The following GRB7 variants were observed in gnomAD, a reference collection of about 807,000 sequenced individuals.
GRB7 encodes the protein growth factor receptor-bound protein 7.
Under a neutral mutation model 64.1 loss-of-function variants are expected in GRB7, and 47 were observed. The ratio of observed to expected loss-of-function variants is 0.73; its 90% confidence interval spans 0.58 to 0.94. The LOEUF (loss-of-function observed/expected upper bound fraction) is 0.94. Ranked by LOEUF, GRB7 falls within the 40% of genes least tolerant of loss-of-function variation. The pLI, the probability that GRB7 is intolerant of heterozygous loss-of-function variation, is 0.00. For missense variants in GRB7, 634 were observed against 718.4 expected, an observed-to-expected ratio of 0.88 and a Z score of 1.34; for synonymous variants, 277 against 279.9, an observed-to-expected ratio of 0.99 and a Z score of 0.10.
chr17:39,738,761 C>A, intron 1 of GRB7: 2 of 712,152 alleles, frequency 2.8e-6, no homozygotes, highest in Non-Finnish European at 2.2e-6. Flanking sequence ...GTCTCTAAGA[C>A]AGACGTCTCT....
Position 39,742,400 on chromosome 17 carries a change from CCCT to C in GRB7, c.101_103del (p.Pro34del). 6.2e-7 allele frequency: 1 copy of C among 1,613,982 alleles called. No homozygotes were observed. The highest frequency in any genetic ancestry group is 8.5e-7 in the Non-Finnish European group (1 of 1,179,996). ...CTGGGACTCCCCGGCCCCCTGATACCCCTCTGCCTGAGGAGGTAAAGAGGTCCC... is the reference window on the plus strand; with the variant it reads ...CTGGGACTCCCCGGCCCCCTGATACCCTGCCTGAGGAGGTAAAGAGGTCCC... On this transcript the variant is annotated inframe_deletion, in exon 2 of 15. Coordinates refer to ENST00000309156, the MANE Select transcript of GRB7 (RefSeq NM_005310.5).
At chr17:39,745,012 C>T (rs1211304836) in intron 9 of GRB7, 28 bp downstream of exon 9, 1 of 1,565,266 alleles carries the variant, frequency 6.4e-7, no homozygotes, top group Non-Finnish European at 8.8e-7. Flanking sequence ...GCATGGGGGG[C>T]TGGCCTGGCC....
rs2143435210 is a variant in GRB7 at position 39,746,771 on chromosome 17, G to A, written c.1473G>A (p.Leu491=). The change falls in exon 15 of 15, where the codon CTG becomes CTA. Residue 491 remains leucine (L), a synonymous_variant. Coordinates refer to ENST00000309156, the MANE Select transcript of GRB7 (RefSeq NM_005310.5). ...LILPSEEEGR[L]YFSMDDGQTR... is the part of the protein sequence containing the mutation. ...CCCAGAGCGAGGAGGAGGGCCGCCT[G>A]TACTTCAGCATGGATGATGGCCAGA... The A allele has an allele frequency of 6.2e-7, 1 of 1,614,082 alleles. No individual in the cohort carries two copies. Among genetic ancestry groups the A allele is most frequent in the Non-Finnish European group, 8.5e-7 (1 of 1,180,022 alleles).
intron 14 of GRB7, 134 bp from the exon 15 acceptor site, chr17:39,746,616 CA>C (rs375400306): frequency 0.17 from 145,690 of 867,394 alleles, 5 homozygotes; most frequent in South Asian, 0.23. Context: ...AAAACTGTCT[CA>C]AAAAAAAAAA....
intron 6 of GRB7, among the ~76,000 whole-genome samples, chr17:39,743,812 G>A (rs1597905917): frequency 2.0e-5 from 2 of 100,022 alleles, no homozygotes; most frequent in South Asian, 3.9e-4. Flanking sequence ...ATGAGACCTC[G>A]TCTCTCCAAA....
chr17:39,742,610 T>C lies in GRB7; in HGVS notation c.200T>C (p.Ile67Thr). The C allele has an allele frequency of 8.1e-6, 13 of 1,613,208 alleles. No homozygotes were observed. The highest frequency in any genetic ancestry group is 1.1e-5 in the Non-Finnish European group (13 of 1,179,786). Residue 67 changes from isoleucine (I) to threonine (T), a missense_variant, in exon 3 of 15, where the codon ATC becomes ACC. Ile to Thr is a moderately conservative substitution (Grantham distance 89, BLOSUM62 -1). This residue lies in a region of GRB7 where 167 missense variants were observed against 141.9 expected (regional missense o/e 1.18). Transcript: ENST00000309156. ...EERRATSLPS[I>T]PNPFPELCSP... ...AGGCGTGCCACCTCCCTCCCCTCTATCCCCAACCCCTTCCCTGAGCTCTGC... is the reference window on the plus strand; with the variant it reads ...AGGCGTGCCACCTCCCTCCCCTCTACCCCCAACCCCTTCCCTGAGCTCTGC...
intron 1 of GRB7, 23 bp from the exon 2 acceptor site, chr17:39,742,229 A>G (rs1264522116): frequency 8.3e-6 from 13 of 1,558,952 alleles, no homozygotes; most frequent in African/African-American, 4.1e-5. Flanking sequence ...GGAGGTCTGA[A>G]TTCTCTCATC....
Position 39,742,652 on chromosome 17 carries a change from G to A in GRB7, c.242G>A (p.Ser81Asn), listed in dbSNP as rs2060005917. The change falls in exon 3 of 15, where the codon AGC becomes AAC. Residue 81 changes from serine (S) to asparagine (N), a missense_variant. Ser to Asn is a conservative substitution (Grantham distance 46, BLOSUM62 1). Around this residue, in one of 2 missense-constraint regions of GRB7, gnomAD observed 167 missense variants for 141.9 expected, o/e 1.18. Coordinates refer to ENST00000309156, the MANE Select transcript of GRB7 (RefSeq NM_005310.5). ...FPELCSPPSQ[S>N]PILGGPSSAR... ...GAGCTCTGCAGTCCTCCCTCACAGA[G>A]CCCAATTCTCGGGGGCCCCTCCAGT... 3 of 1,607,824 alleles carry A rather than the reference G, an allele frequency of 1.9e-6. No individual in the cohort carries two copies. Among genetic ancestry groups the A allele is most frequent in the Non-Finnish European group, 2.5e-6 (3 of 1,176,726 alleles).
At chr17:39,745,166 C>A in intron 9 of GRB7, 77 bp from the exon 10 acceptor site, 1 of 1,327,080 alleles carries the variant, frequency 7.5e-7, no homozygotes, top group Non-Finnish European at 1.1e-6. Context: ...CTGGGCAAGT[C>A]CTGGTCTGAG....
In GRB7 at chr17:39,737,944, C is replaced by T. The variant is rs2059965802; in HGVS notation, c.-240C>T. 6.6e-6 allele frequency: 1 copy of T among 152,310 alleles called. No homozygotes were observed. 9.4% of individuals were successfully genotyped at this position (152,310 alleles called of 1,614,324 possible). A position where few individuals can be genotyped will look rare whatever the true frequency, so the allele number is the denominator to read the frequency against. On this transcript the variant is annotated 5_prime_UTR_variant, in exon 1 of 15. Transcript: ENST00000309156. Reference sequence around the variant, plus strand: ...ATCTGCCCAAGATAATTTTAGTTTCCTTGGGCCTGGAATCTGGACACACAG... The same window carrying T: ...ATCTGCCCAAGATAATTTTAGTTTCTTTGGGCCTGGAATCTGGACACACAG...
At chr17:39,744,392 A>G (rs772096156) in intron 7 of GRB7, 161 bp from the exon 8 acceptor site, 10 of 860,174 alleles carry the variant, frequency 1.2e-5, no homozygotes, top group African/African-American at 1.7e-5. Context: ...AGGAGAAAAG[A>G]TGATCTTAGT....
chr17:39,738,937 C>T (rs1385149568), intron 1 of GRB7: 2 of 1,535,048 alleles, frequency 1.3e-6, no homozygotes, highest in South Asian at 2.4e-5. Flanking sequence ...GAGACGGGGT[C>T]CCTCCTGGCT....
At chr17:39,739,701 G>A (rs779354563) in intron 1 of GRB7, among the ~76,000 whole-genome samples, 15 of 152,256 alleles carry the variant, frequency 9.9e-5, no homozygotes, top group Admixed American at 8.5e-4. Flanking sequence ...TTGGGAGGAC[G>A]GGAACGCGGG....
At chr17:39,746,653 G>A in intron 14 of GRB7, 98 bp from the exon 15 acceptor site, 2 of 1,319,508 alleles carry the variant, frequency 1.5e-6, no homozygotes, top group Non-Finnish European at 1.0e-6. Flanking sequence ...AAAGAAAAAA[G>A]AAAAGAATAA....
Position 39,744,215 on chromosome 17 carries a change from C to A in GRB7, c.801+8C>A, listed in dbSNP as rs1242379406. 33 of 1,613,384 alleles carry A rather than the reference C, an allele frequency of 2.0e-5. No homozygotes were observed. In the Admixed American group the frequency reaches 4.5e-4, roughly 22 times the overall value. On this transcript the variant is annotated splice_region_variant and intron_variant, in intron 7 of 14. Coordinates refer to ENST00000309156, the MANE Select transcript of GRB7 (RefSeq NM_005310.5). ...ACCAAGGGCACCTCTAAGGTAAGGT[C>A]TTGAGGGTACCAGCCCCAGCCCCTC...
intron 1 of GRB7, among the ~76,000 whole-genome samples, chr17:39,739,740 A>G (rs894775477): frequency 4.6e-5 from 7 of 152,230 alleles, no homozygotes; most frequent in Non-Finnish European, 1.0e-4. Context: ...GGGAGGAGGC[A>G]GCTGGGAAGC....
intron 1 of GRB7, among the ~76,000 whole-genome samples, chr17:39,740,497 C>G (rs1039862431): frequency 6.6e-6 from 1 of 152,102 alleles, no homozygotes; most frequent in Admixed American, 6.5e-5. Context: ...GAATCCAGGC[C>G]GGGCATTGCC....
chr17:39,745,569 GC>G, intron 11 of GRB7, 31 bp downstream of exon 11: 1 of 1,590,232 alleles, frequency 6.3e-7, no homozygotes, highest in Non-Finnish European at 8.6e-7. Flanking sequence ...GTGTGTTTGT[GC>G]TGGGGACCCA....
Position 39,745,311 on chromosome 17 carries a change from C to T in GRB7, c.1080C>T (p.Gly360=), listed in dbSNP as rs780100421. ...GCCATCTGCATCCATCTTGTTTGGG[C>T]TCCCCACCCTTGGTGAGTGTGCCCA... ...QSRHLHPSCL[G]SPPLRSASDN... The change falls in exon 10 of 15, where the codon GGC becomes GGT. Residue 360 remains glycine (G), a synonymous_variant. Coordinates refer to ENST00000309156, the MANE Select transcript of GRB7 (RefSeq NM_005310.5). The T allele has an allele frequency of 6.0e-5, 96 of 1,612,040 alleles. No individual in the cohort carries two copies. Among genetic ancestry groups the T allele is most frequent in the Non-Finnish European group, 8.0e-5 (94 of 1,178,868 alleles).
Sources: allele counts gnomAD v4.1 joint callset (sites outside exome capture counted in the v4.1 genomes callset), GRCh38; gene constraint gnomAD v4.1.1; regional missense constraint gnomAD v4.1.1; transcripts MANE v1.5; gene names NCBI Gene and HGNC (gene_info 2026-07-23, HGNC 2026-07-21).